LHFPL3: variants seen among roughly 807,000 people sequenced by gnomAD.
LHFPL3 encodes the protein LHFPL tetraspan subfamily member 3 protein.
Under a neutral mutation model 19.3 loss-of-function variants are expected in LHFPL3, and 5 were observed. That is an observed-to-expected ratio of 0.26 (90% confidence interval 0.14 to 0.54). LHFPL3 has a LOEUF of 0.54. LHFPL3 is among the 20% of genes least tolerant of loss of function. LHFPL3 has a pLI of 0.94. For synonymous variants in LHFPL3, 133 were observed against 126.2 expected, an observed-to-expected ratio of 1.05 and a Z score of -0.36; for missense variants, 249 against 307.4, an observed-to-expected ratio of 0.81 and a Z score of 1.42.
intron 2 of LHFPL3, among the ~76,000 whole-genome samples, chr7:104,836,878 C>T (rs1038117314): frequency 3.9e-5 from 6 of 152,076 alleles, no homozygotes; most frequent in African/African-American, 9.7e-5. Context: ...TTATCTCTGA[C>T]GACAAATGAA....
chr7:104,532,032 A>G (rs1794304203), intron 1 of LHFPL3, among the ~76,000 whole-genome samples: 1 of 152,178 alleles, frequency 6.6e-6, no homozygotes, highest in Non-Finnish European at 1.5e-5. Flanking sequence ...GCTGCCAGGC[A>G]CTGACTTATA....
intron 2 of LHFPL3, among the ~76,000 whole-genome samples, chr7:104,798,603 C>CT (rs1410831974): frequency 6.6e-6 from 1 of 151,976 alleles, no homozygotes; most frequent in African/African-American, 2.4e-5. Context: ...AATTAGTTGC[C>CT]TTTTTTCTAA....
chr7:104,793,398 T>C (rs1412753451), intron 2 of LHFPL3, among the ~76,000 whole-genome samples: 2 of 152,194 alleles, frequency 1.3e-5, no homozygotes, highest in Non-Finnish European at 2.9e-5. Flanking sequence ...GGAAATAAGA[T>C]GTAGAAAGCT....
At chr7:104,491,592 A>G (rs1000324095) in intron 1 of LHFPL3, among the ~76,000 whole-genome samples, 1 of 152,142 alleles carries the variant, frequency 6.6e-6, no homozygotes, top group African/African-American at 2.4e-5. Flanking sequence ...AGGGGAGTTA[A>G]TCAGATCACA....
At chr7:104,789,514 G>T (rs1396280440) in intron 2 of LHFPL3, among the ~76,000 whole-genome samples, 1 of 152,070 alleles carries the variant, frequency 6.6e-6, no homozygotes, top group African/African-American at 2.4e-5. Context: ...ACAAAATTAA[G>T]ATTAACAGCA....
chr7:104,453,802 G>A (rs1043566446), intron 1 of LHFPL3, among the ~76,000 whole-genome samples: 9 of 151,960 alleles, frequency 5.9e-5, no homozygotes, highest in African/African-American at 9.7e-5. Context: ...AAAAGTGTGC[G>A]CTGCCTCCCC....
At chr7:104,603,315 C>G (rs932542409) in intron 1 of LHFPL3, among the ~76,000 whole-genome samples, 2 of 151,884 alleles carry the variant, frequency 1.3e-5, no homozygotes, top group Non-Finnish European at 2.9e-5. Flanking sequence ...CCCACCTGAA[C>G]CTTCTAAGTA....
chr7:104,414,841 T>A (rs963576832), intron 1 of LHFPL3, among the ~76,000 whole-genome samples: 3 of 152,204 alleles, frequency 2.0e-5, no homozygotes, highest in Non-Finnish European at 4.4e-5. Flanking sequence ...ATACAGATTA[T>A]GTTGCCATCT....
At chr7:104,544,992 G>A (rs939983058) in intron 1 of LHFPL3, among the ~76,000 whole-genome samples, 2 of 152,152 alleles carry the variant, frequency 1.3e-5, no homozygotes, top group South Asian at 4.1e-4. Context: ...TTTTCGTAAG[G>A]ATTTATGCCA....
At chr7:104,338,116 T>TTTTTTTG in intron 1 of LHFPL3, among the ~76,000 whole-genome samples, 1 of 144,852 alleles carries the variant, frequency 6.9e-6, no homozygotes, top group Non-Finnish European at 1.5e-5. Flanking sequence ...TTTTTTTTTT[T>TTTTTTTG]GAGACGGAGT....
chr7:104,397,521 C>T (rs560037870), intron 1 of LHFPL3, among the ~76,000 whole-genome samples: 2 of 152,124 alleles, frequency 1.3e-5, no homozygotes, highest in African/African-American at 4.8e-5. Flanking sequence ...AACTGTTGGT[C>T]AAGAAGTCTT....
chr7:104,512,395 C>A (rs555367027), intron 1 of LHFPL3, among the ~76,000 whole-genome samples: 61 of 152,174 alleles, frequency 4.0e-4, no homozygotes, highest in African/African-American at 1.4e-3. Context: ...TAAACTCATG[C>A]GCTGCCTTCA....
At chr7:104,474,700 A>AG (rs1792976764) in intron 1 of LHFPL3, among the ~76,000 whole-genome samples, 1 of 151,322 alleles carries the variant, frequency 6.6e-6, no homozygotes, top group African/African-American at 2.4e-5. Flanking sequence ...AAAAAAAAAA[A>AG]AAAAAAAAGA....
At chr7:104,679,982 A>G (rs1792664819) in intron 1 of LHFPL3, among the ~76,000 whole-genome samples, 1 of 152,120 alleles carries the variant, frequency 6.6e-6, no homozygotes, top group Non-Finnish European at 1.5e-5. Context: ...ACAAGGTTCA[A>G]ATTTTTATCT....
intron 1 of LHFPL3, among the ~76,000 whole-genome samples, chr7:104,508,185 G>C (rs10261966): frequency 0.059 from 8,986 of 151,960 alleles, 871 homozygotes; most frequent in African/African-American, 0.2. Flanking sequence ...CATTATTCAC[G>C]ATCGCAAACA....
intron 2 of LHFPL3, among the ~76,000 whole-genome samples, chr7:104,839,496 CCT>C (rs980851143): frequency 2.0e-5 from 3 of 152,042 alleles, no homozygotes; most frequent in African/African-American, 7.2e-5. Context: ...GCAAAACCCC[CCT>C]CTCTACTAGA....
intron 2 of LHFPL3, among the ~76,000 whole-genome samples, chr7:104,793,447 G>A (rs576935873): frequency 3.9e-5 from 6 of 152,304 alleles, no homozygotes; most frequent in African/African-American, 9.6e-5. Flanking sequence ...GCAGTCCAGT[G>A]ATATTTCTGA....
At chr7:104,340,530 A>AGAGAT (rs1202528727) in intron 1 of LHFPL3, among the ~76,000 whole-genome samples, 2 of 152,332 alleles carry the variant, frequency 1.3e-5, no homozygotes, top group East Asian at 3.9e-4. Flanking sequence ...CTACTACTAA[A>AGAGAT]GAGATCAGGG....
intron 1 of LHFPL3, among the ~76,000 whole-genome samples, chr7:104,351,221 C>T (rs1790168350): frequency 1.3e-5 from 2 of 152,214 alleles, no homozygotes; most frequent in Non-Finnish European, 2.9e-5. Flanking sequence ...GGCAGCCATC[C>T]AGAGAAATCC....
Sources: allele counts gnomAD v4.1 joint callset (sites outside exome capture counted in the v4.1 genomes callset), GRCh38; gene constraint gnomAD v4.1.1; transcripts MANE v1.5; gene names NCBI Gene and HGNC (gene_info 2026-07-23, HGNC 2026-07-21).